COL6A2: variants seen among roughly 807,000 people sequenced by gnomAD.
COL6A2 encodes collagen alpha-2(VI) chain.
COL6A2 carries 90 observed loss-of-function variants against 124.9 expected under a neutral mutation model. The observed-to-expected ratio is 0.72, with a 90% CI of 0.61 to 0.86. The LOEUF (loss-of-function observed/expected upper bound fraction) is 0.86, where lower values mean the gene tolerates loss of function less well. Ranked by LOEUF, COL6A2 falls within the 40% of genes least tolerant of loss-of-function variation. The probability of loss-of-function intolerance (pLI) is 0.00; values close to 1 mark genes in which losing one functional copy is unlikely to be tolerated. For synonymous variants in COL6A2, 793 were observed against 618.2 expected, an observed-to-expected ratio of 1.28 and a Z score of -4.19; for missense variants, 1,607 against 1,502.5, an observed-to-expected ratio of 1.07 and a Z score of -1.15.
chr21:46,109,821 G>A (rs917794523), intron 1 of COL6A2, among the ~76,000 whole-genome samples: 4 of 152,286 alleles, frequency 2.6e-5, no homozygotes, highest in African/African-American at 7.2e-5. Context: ...AGGGAAAGAG[G>A]GGCCTTCCCT....
rs992306738 is a variant in COL6A2 at position 46,129,170 on chromosome 21, A to C, written c.2461+2629A>C. 15 of 1,612,606 alleles carry C rather than the reference A, an allele frequency of 9.3e-6. 1 individual carries two copies. In the Admixed American group the frequency reaches 2.5e-4, roughly 27 times the overall value. On this transcript the variant is annotated intron_variant, in intron 27 of 27. Coordinates refer to ENST00000300527, the MANE Select transcript of COL6A2 (RefSeq NM_001849.4). ...GGCCGACGCCCACCGCAGGCCTTACAGTCTTCTCTGGACGCTCCCTTGCAG... is the reference window on the plus strand; with the variant it reads ...GGCCGACGCCCACCGCAGGCCTTACCGTCTTCTCTGGACGCTCCCTTGCAG...
rs1044778936 is a variant in COL6A2 at position 46,126,505 on chromosome 21, C to T, written c.2425C>T (p.Pro809Ser). 3.7e-6 allele frequency: 6 copies of T among 1,606,776 alleles called. No individual in the cohort carries two copies. Among genetic ancestry groups the T allele is most frequent in the Admixed American group, 3.3e-5 (2 of 59,812 alleles). ...DDMEDVLCPDPQIVCPDLPCQ... is the reference protein window; with the variant it reads ...DDMEDVLCPDSQIVCPDLPCQ... ...CCGGCCTCTCTCCTCTCTTCCAGAC[C>T]CTCAGATCGTGTGCCCAGACCTTCC... The change falls in exon 27 of 28, where the codon CCT becomes TCT. Residue 809 changes from proline to serine, a missense_variant and splice_region_variant. This residue lies in a region of COL6A2 where 1,223 missense variants were observed against 1,052.2 expected (regional missense o/e 1.16). Coordinates refer to ENST00000300527, the MANE Select transcript of COL6A2 (RefSeq NM_001849.4).
chr21:46,114,301 T>C (rs964228405), intron 5 of COL6A2, among the ~76,000 whole-genome samples: 29 of 152,026 alleles, frequency 1.9e-4, no homozygotes, highest in Non-Finnish European at 2.4e-4. Flanking sequence ...GGCATGCGCC[T>C]GTAGTCCCAG....
chr21:46,128,269 C>G (rs2078704025), intron 27 of COL6A2, among the ~76,000 whole-genome samples: 1 of 152,196 alleles, frequency 6.6e-6, no homozygotes, highest in Admixed American at 6.5e-5. Flanking sequence ...TGGGAGCAGC[C>G]CTGGCAGAAC....
chr21:46,130,109 A>G (rs895045712), intron 27 of COL6A2, among the ~76,000 whole-genome samples: 1 of 152,176 alleles, frequency 6.6e-6, no homozygotes, highest in Non-Finnish European at 1.5e-5. Flanking sequence ...TGGGCAGCAG[A>G]TAGTCCTGGG....
intron 1 of COL6A2, among the ~76,000 whole-genome samples, chr21:46,104,644 T>C (rs2078318852): frequency 6.6e-6 from 1 of 152,130 alleles, no homozygotes; most frequent in Non-Finnish European, 1.5e-5. Flanking sequence ...TGAAAACTTC[T>C]AAAATATGAT....
intron 27 of COL6A2, among the ~76,000 whole-genome samples, chr21:46,127,478 C>T (rs2078690509): frequency 2.0e-5 from 3 of 152,142 alleles, no homozygotes; most frequent in Admixed American, 6.5e-5. Flanking sequence ...AGGGCTTGCA[C>T]CTGGGTCTGG....
chr21:46,124,994 G>A, intron 23 of COL6A2, 74 bp downstream of exon 23: 3 of 1,566,016 alleles, frequency 1.9e-6, no homozygotes, highest in Non-Finnish European at 2.6e-6. Flanking sequence ...AGGGGTGGGG[G>A]AAGGTCAGCT....
intron 27 of COL6A2, 138 bp from the exon 28 acceptor site, chr21:46,131,816 C>A: frequency 1.5e-5 from 12 of 825,342 alleles, no homozygotes; most frequent in Non-Finnish European, 2.1e-5. Flanking sequence ...GGCTGCCCTG[C>A]AGAAACGCCC....
chr21:46,125,432 CGGTACCCCCCGATGACCCT>C lies in COL6A2; in HGVS notation c.1817-31_1817-13del. 6.2e-7 allele frequency: 1 copy of C among 1,611,324 alleles called. No individual in the cohort carries two copies. Among genetic ancestry groups the C allele is most frequent in the Admixed American group, 1.7e-5 (1 of 59,978 alleles). ...GTGACCCTAGGGTCTGAGGTCTCCC[CGGTACCCCCCGATGACCCT>C]GCCACCCCCCCAGACTGTGAGAAGC... On this transcript the variant is annotated splice_polypyrimidine_tract_variant and intron_variant, in intron 24 of 27. Coordinates refer to ENST00000300527, the MANE Select transcript of COL6A2 (RefSeq NM_001849.4).
chr21:46,117,916 C>CGAG lies in COL6A2; in HGVS notation c.1100_1102dup (p.Gly367dup). ...GGGGGAAGCAGGGAGTCCAGGGGAG[C>CGAG]GAGGAGACCAAGGCGGCAAGGTAAG... On this transcript the variant is annotated inframe_insertion, in exon 12 of 28. Transcript: ENST00000300527. The CGAG allele has an allele frequency of 6.2e-7, 1 of 1,612,836 alleles. No homozygotes were observed. Among genetic ancestry groups the CGAG allele is most frequent in the Non-Finnish European group, 8.5e-7 (1 of 1,179,790 alleles).
rs781733595 is a variant in COL6A2 at position 46,119,866 on chromosome 21, G to T, written c.1332+16G>T. 1 of 1,553,664 alleles carries T rather than the reference G, an allele frequency of 6.4e-7. No individual in the cohort carries two copies. The highest frequency in any genetic ancestry group is 2.0e-5 in the Admixed American group (1 of 51,162). ...GGGGGAGAAGGTGAGTCCTCGTGTG[G>T]AGGCAGCCCAGGGTCTCACTGTGGT... On this transcript the variant is annotated intron_variant, in intron 15 of 27. Coordinates refer to ENST00000300527, the MANE Select transcript of COL6A2 (RefSeq NM_001849.4).
At chr21:46,111,098 T>TG (rs2078391918) in intron 1 of COL6A2, among the ~76,000 whole-genome samples, 1 of 152,016 alleles carries the variant, frequency 6.6e-6, no homozygotes. Flanking sequence ...CCCCAGGCAG[T>TG]GGGGGGCGCC....
In COL6A2 at chr21:46,126,024, C is replaced by A. The variant is rs2123664136; in HGVS notation, c.2209C>A (p.Pro737Thr). The A allele has an allele frequency of 2.5e-6, 4 of 1,613,012 alleles. No homozygotes were observed. Among genetic ancestry groups the A allele is most frequent in the Non-Finnish European group, 3.4e-6 (4 of 1,179,910 alleles). Residue 737 changes from proline (P) to threonine (T), a missense_variant, in exon 26 of 28, where the codon CCT becomes ACT. Pro to Thr is a conservative substitution (Grantham distance 38). Transcript: ENST00000300527. Reference protein sequence around the residue: ...AVVITDGRHDPRDDDLNLRAL... With the variant: ...AVVITDGRHDTRDDDLNLRAL... ...GGTCATCACGGACGGGCGCCACGAC[C>A]CTCGGGACGATGACCTCAACTTGCG...
intron 27 of COL6A2, among the ~76,000 whole-genome samples, chr21:46,127,430 G>A (rs1347096237): frequency 6.6e-6 from 1 of 152,164 alleles, no homozygotes; most frequent in Non-Finnish European, 1.5e-5. Flanking sequence ...CGTGGACTCA[G>A]AGCCGAGGTT....
At chr21:46,120,621 G>A in intron 16 of COL6A2, 44 bp downstream of exon 16, 2 of 1,430,292 alleles carry the variant, frequency 1.4e-6, no homozygotes, top group Non-Finnish European at 1.8e-6. Context: ...GGGGATCTGA[G>A]GGGGTGCAGG....
rs532176304 is a variant in COL6A2, at chr21:46,126,669, C to T, written c.2461+128C>T. The stretch of plus-strand genomic sequence containing the variant: ...GGGGGCGGCGGAGCCACTGCGGAGG[C>T]TGCTCCTTAGGGAGATGGCCCCAGG... On this transcript the variant is annotated intron_variant, in intron 27 of 27. Transcript: ENST00000300527. The T allele has an allele frequency of 3.7e-4, 429 of 1,152,720 alleles. 2 individuals carry two copies. In the African/African-American group the frequency reaches 5.1e-3, roughly 14 times the overall value. The allele number at this position is 1,152,720 out of a possible 1,614,324, so 71.4% of individuals were successfully genotyped here. A position where few individuals can be genotyped will look rare whatever the true frequency, so the allele number is the denominator to read the frequency against.
At position 46,126,097 on chromosome 21, in the gene COL6A2, A is replaced by C; in HGVS notation, c.2282A>C (p.Asp761Ala). The C allele has an allele frequency of 3.1e-6, 5 of 1,612,786 alleles. No individual in the cohort carries two copies. Among genetic ancestry groups the C allele is most frequent in the Non-Finnish European group, 4.2e-6 (5 of 1,179,992 alleles). ...ACAGTGACGGCCATCGGCATCGGGG[A>C]CATGTTCCACGAGAAGCACGAGAGT... is the stretch of plus-strand genomic sequence containing the variant. ...DVTVTAIGIG[D>A]MFHEKHESEN... The change falls in exon 26 of 28, where the codon GAC becomes GCC. Residue 761 changes from aspartate (D) to alanine (A), a missense_variant. Asp to Ala is a moderately radical substitution (Grantham distance 126). This residue lies in a region of COL6A2 where 1,223 missense variants were observed against 1,052.2 expected (regional missense o/e 1.16). Transcript: ENST00000300527.
At chr21:46,100,246 C>T (rs1380413395) in intron 1 of COL6A2, among the ~76,000 whole-genome samples, 1 of 152,108 alleles carries the variant, frequency 6.6e-6, no homozygotes, top group Non-Finnish European at 1.5e-5. Context: ...CAGGCATGCA[C>T]CACTGTGCCC....
Sources: allele counts gnomAD v4.1 joint callset (sites outside exome capture counted in the v4.1 genomes callset), GRCh38; gene constraint gnomAD v4.1.1; regional missense constraint gnomAD v4.1.1; transcripts MANE v1.5; gene names NCBI Gene and HGNC (gene_info 2026-07-23, HGNC 2026-07-21).